Variants in DDX10 observed in about 807,000 individuals in gnomAD.
The protein encoded by DDX10 is DEAD-box helicase 10, also known as probable ATP-dependent RNA helicase DDX10.
DDX10 carries 74 observed loss-of-function variants against 104.3 expected under a neutral mutation model. The observed-to-expected ratio is 0.71, with a 90% CI of 0.59 to 0.86. The LOEUF is 0.86. Among genes scored for constraint, DDX10 ranks in the 40% least tolerant of loss-of-function variants. DDX10 has a pLI of 0.00. For synonymous variants in DDX10, 351 were observed against 353.4 expected (o/e 0.99, Z 0.08); for missense variants, 952 against 1,040.0 (o/e 0.92, Z 1.16).
At chr11:108,779,386 A>G (rs959353234) in intron 13 of DDX10, among the ~76,000 whole-genome samples, 1 of 152,224 alleles carries the variant, frequency 6.6e-6, no homozygotes, top group African/African-American at 2.4e-5. Context: ...TGTCCTTTGC[A>G]GGGACATGGA....
intron 11 of DDX10, among the ~76,000 whole-genome samples, chr11:108,719,388 A>G (rs551006582): frequency 1.3e-4 from 20 of 152,294 alleles, no homozygotes; most frequent in Non-Finnish European, 2.6e-4. Context: ...GTAGAAGGTA[A>G]TGTATCCCTT....
intron 16 of DDX10, among the ~76,000 whole-genome samples, chr11:108,883,195 C>T (rs973767228): frequency 6.6e-6 from 1 of 152,116 alleles, no homozygotes; most frequent in Non-Finnish European, 1.5e-5. Context: ...GAACCCACTT[C>T]CTGGTTCGTC....
chr11:108,713,815 G>C (rs970552316), intron 10 of DDX10, among the ~76,000 whole-genome samples: 1 of 152,140 alleles, frequency 6.6e-6, no homozygotes, highest in Non-Finnish European at 1.5e-5. Flanking sequence ...GAGGGTGGGG[G>C]CTGTGAGGAA....
At chr11:108,911,836 C>G (rs1863684464) in intron 16 of DDX10, among the ~76,000 whole-genome samples, 1 of 152,068 alleles carries the variant, frequency 6.6e-6, no homozygotes, top group African/African-American at 2.4e-5. Flanking sequence ...AGCTTTGCCT[C>G]TTAATACTAT....
At chr11:108,668,682 A>ATT in intron 1 of DDX10, among the ~76,000 whole-genome samples, 1 of 152,266 alleles carries the variant, frequency 6.6e-6, no homozygotes, top group South Asian at 2.1e-4. Flanking sequence ...TTTTAAAACA[A>ATT]TTTGACAGGC....
intron 17 of DDX10, among the ~76,000 whole-genome samples, chr11:108,928,260 A>C (rs1863933231): frequency 6.6e-6 from 1 of 152,214 alleles, no homozygotes; most frequent in African/African-American, 2.4e-5. Flanking sequence ...TACATGGAAT[A>C]ATATATCAGT....
intron 13 of DDX10, among the ~76,000 whole-genome samples, chr11:108,760,858 T>C (rs2094349982): frequency 4.6e-5 from 7 of 152,014 alleles, no homozygotes; most frequent in Admixed American, 6.6e-5. Flanking sequence ...TTGTTAGTCA[T>C]TGCCACATAT....
At chr11:108,714,911 T>C in intron 10 of DDX10, among the ~76,000 whole-genome samples, 1 of 151,386 alleles carries the variant, frequency 6.6e-6, no homozygotes, top group Non-Finnish European at 1.5e-5. Context: ...TTCTTTTGTA[T>C]ATTTTGAAAT....
At chr11:108,892,559 C>T (rs1356621939) in intron 16 of DDX10, among the ~76,000 whole-genome samples, 10 of 151,920 alleles carry the variant, frequency 6.6e-5, no homozygotes, top group Admixed American at 2.0e-4. Flanking sequence ...TAGTAATGCC[C>T]GTGCAATCAG....
Position 108,677,237 on chromosome 11 carries a change from T to G in DDX10, c.531T>G (p.Gly177=), listed in dbSNP as rs752379199. 3 of 1,612,662 alleles carry G rather than the reference T, an allele frequency of 1.9e-6. No individual in the cohort carries two copies. The highest frequency in any genetic ancestry group is 2.7e-5 in the African/African-American group (2 of 74,862). The part of the protein sequence containing the change: ...NHDFSAGLII[G]GKDLKHEAER... ...ACTTCTCAGCTGGTCTCATCATTGGTGGAAAGGTTTGTCCTTTTGTCTATG... is the reference window on the plus strand; with the variant it reads ...ACTTCTCAGCTGGTCTCATCATTGGGGGAAAGGTTTGTCCTTTTGTCTATG... The change falls in exon 4 of 18, where the codon GGT becomes GGG. Residue 177 remains glycine (G), a synonymous_variant. Transcript: ENST00000322536.
intron 13 of DDX10, among the ~76,000 whole-genome samples, chr11:108,836,778 C>T (rs928359613): frequency 3.9e-5 from 6 of 152,288 alleles, no homozygotes; most frequent in Admixed American, 2.6e-4. Context: ...TGTGATTCAC[C>T]ACACCCGGCC....
intron 12 of DDX10, 84 bp downstream of exon 12, chr11:108,719,969 A>T (rs1026753679): frequency 1.1e-6 from 1 of 883,582 alleles, no homozygotes; most frequent in South Asian, 1.4e-5. Context: ...GGGTCTTGCT[A>T]TGTTGCCCAG....
chr11:108,776,930 G>A (rs899257351), intron 13 of DDX10, among the ~76,000 whole-genome samples: 3 of 152,208 alleles, frequency 2.0e-5, no homozygotes, highest in Non-Finnish European at 4.4e-5. Flanking sequence ...GCTTCCAGGT[G>A]GGGACTTGGC....
At chr11:108,866,795 C>T (rs1170743469) in intron 16 of DDX10, among the ~76,000 whole-genome samples, 6 of 152,146 alleles carry the variant, frequency 3.9e-5, no homozygotes, top group Non-Finnish European at 8.8e-5. Context: ...ATTAAATGTA[C>T]TCAAGGACTG....
In DDX10 at chr11:108,841,338, G is replaced by C; in HGVS notation, c.2109G>C (p.Met703Ile). ...EGELVQQWPQ[M>I]QKSAIKDAEE... Reference sequence around the variant, plus strand: ...AGTTGGTTCAGCAGTGGCCACAAATGCAGAAATCTGCCATCAAGGATGCTG... The same window carrying C: ...AGTTGGTTCAGCAGTGGCCACAAATCCAGAAATCTGCCATCAAGGATGCTG... Residue 703 changes from methionine to isoleucine, a missense_variant, in exon 15 of 18, where the codon ATG becomes ATC. Met to Ile is a conservative substitution (Grantham distance 10). Transcript: ENST00000322536. 1.9e-6 allele frequency: 3 copies of C among 1,613,122 alleles called. No individual in the cohort carries two copies. The highest frequency in any genetic ancestry group is 2.5e-6 in the Non-Finnish European group (3 of 1,179,786).
intron 9 of DDX10, among the ~76,000 whole-genome samples, chr11:108,699,209 TCTTAC>T (rs1385833412): frequency 1.3e-5 from 2 of 152,216 alleles, no homozygotes; most frequent in Non-Finnish European, 2.9e-5. Context: ...ATGAATCAGA[TCTTAC>T]CTAATATGTT....
chr11:108,725,278 C>A (rs894655726), intron 13 of DDX10, among the ~76,000 whole-genome samples: 2 of 152,050 alleles, frequency 1.3e-5, no homozygotes, highest in African/African-American at 4.8e-5. Context: ...TAAACATATA[C>A]ATTTTTATGT....
At chr11:108,880,886 T>C (rs776807049) in intron 16 of DDX10, among the ~76,000 whole-genome samples, 9 of 152,236 alleles carry the variant, frequency 5.9e-5, no homozygotes, top group Non-Finnish European at 1.2e-4. Context: ...CTTGCTGCTA[T>C]TGACCATGAA....
chr11:108,799,287 C>G (rs1161162542), intron 13 of DDX10, among the ~76,000 whole-genome samples: 1 of 152,208 alleles, frequency 6.6e-6, no homozygotes, highest in Non-Finnish European at 1.5e-5. Flanking sequence ...GATTCTGGTT[C>G]ACTCGTCACT....
Sources: allele counts gnomAD v4.1 joint callset (sites outside exome capture counted in the v4.1 genomes callset), GRCh38; gene constraint gnomAD v4.1.1; transcripts MANE v1.5; gene names NCBI Gene and HGNC (gene_info 2026-07-23, HGNC 2026-07-21).